Variants in NEFH observed in about 807,000 individuals in gnomAD.
NEFH encodes neurofilament heavy polypeptide.
Under a neutral mutation model 56.6 loss-of-function variants are expected in NEFH, and 58 were observed. The ratio of observed to expected loss-of-function variants is 1.03; its 90% CI spans 0.83 to 1.28. The LOEUF is 1.28. Ranked by LOEUF, NEFH falls within the 50% of genes most tolerant of loss-of-function variation. The pLI is 0.00. For missense variants in NEFH, 1,221 were observed against 1,307.6 expected (o/e 0.93, Z 1.02); for synonymous variants, 542 against 545.8 (o/e 0.99, Z 0.10).
At position 29,490,506 on chromosome 22, in the gene NEFH, G is replaced by T. The variant is rs536184533; in HGVS notation, c.2866G>T (p.Asp956Tyr). The T allele has an allele frequency of 6.3e-7, 1 of 1,589,126 alleles. No individual in the cohort carries two copies. Among genetic ancestry groups the T allele is most frequent in the South Asian group, 1.2e-5 (1 of 85,354 alleles). ...EKKEAAPEKKDTKEEKAKKPE... is the reference protein window; with the variant it reads ...EKKEAAPEKKYTKEEKAKKPE... ...GAAGGAGGCAGCACCGGAGAAAAAA[G>T]ACACCAAGGAGGAGAAGGCCAAGAA... The change falls in exon 4 of 4, where the codon GAC (aspartate) becomes TAC (tyrosine). Residue 956 changes from aspartate to tyrosine, a missense_variant. This residue lies in a region of NEFH where 301 missense variants were observed against 346.6 expected (regional missense o/e 0.87). Transcript: ENST00000310624.
rs2063000097 is a variant in NEFH, at chr22:29,480,724, C to CGGCGCGGTGCTGCGCCTG, written c.470_487dup (p.Val157_Ala162dup). 7 of 1,499,460 alleles carry CGGCGCGGTGCTGCGCCTG rather than the reference C, an allele frequency of 4.7e-6. No homozygotes were observed. Among genetic ancestry groups the CGGCGCGGTGCTGCGCCTG allele is most frequent in the East Asian group, 2.6e-5 (1 of 39,044 alleles). 92.9% of individuals were successfully genotyped at this position (1,499,460 alleles called of 1,614,324 possible). A position where few individuals can be genotyped will look rare whatever the true frequency, so the allele number is the denominator to read the frequency against. On this transcript the variant is annotated inframe_insertion, in exon 1 of 4. Transcript: ENST00000310624. The stretch of plus-strand genomic sequence containing the variant: ...ACGAGCGCGAGGTCCGCGAGATGCG[C>CGGCGCGGTGCTGCGCCTG]GGCGCGGTGCTGCGCCTGGGCGCGG...
At chr22:29,481,630 C>T (rs1329795649) in intron 1 of NEFH, among the ~76,000 whole-genome samples, 1 of 152,212 alleles carries the variant, frequency 6.6e-6, no homozygotes, top group Non-Finnish European at 1.5e-5. Context: ...TTCCCACTAC[C>T]TGCTCAGTGC....
chr22:29,485,089 G>C (rs2063036434), intron 2 of NEFH, among the ~76,000 whole-genome samples: 1 of 152,110 alleles, frequency 6.6e-6, no homozygotes. Context: ...TCCTTCCTCA[G>C]CCTTCCAAAA....
intron 1 of NEFH, among the ~76,000 whole-genome samples, chr22:29,482,378 C>G (rs980795548): frequency 6.6e-6 from 1 of 152,196 alleles, no homozygotes. Flanking sequence ...AGGATGTTCA[C>G]TTTTACGAGC....
chr22:29,487,796 G>A (rs1233830124), intron 3 of NEFH, among the ~76,000 whole-genome samples: 9 of 152,222 alleles, frequency 5.9e-5, no homozygotes, highest in Non-Finnish European at 1.3e-4. Context: ...TCTGAGACAA[G>A]CATTCTGCCA....
chr22:29,485,549 C>G (rs2063039249), intron 2 of NEFH, among the ~76,000 whole-genome samples, 174 bp from the exon 3 acceptor site: 1 of 152,248 alleles, frequency 6.6e-6, no homozygotes. Flanking sequence ...ATTTTTGCTC[C>G]AGATTGTTCC....
At chr22:29,484,498 T>G (rs1288207085) in intron 2 of NEFH, among the ~76,000 whole-genome samples, 1 of 151,950 alleles carries the variant, frequency 6.6e-6, no homozygotes, top group East Asian at 1.9e-4. Flanking sequence ...AAAAATTAAC[T>G]GGGCATGGTG....
rs143316545 is a variant in NEFH, at chr22:29,486,258, C to G, written c.1208+411C>G. Among the ~76,000 whole-genome samples, 96 of 151,936 alleles carry G rather than the reference C, an allele frequency of 6.3e-4. 2 individuals are homozygous for G. In the East Asian group the frequency reaches 0.013, roughly 21 times the overall value. ...CAGGCTGGTCTCAAACTCCTGAACTCAAGCCCTCTGCCCACCTCAGCCTCC... is the reference window on the plus strand; with the variant it reads ...CAGGCTGGTCTCAAACTCCTGAACTGAAGCCCTCTGCCCACCTCAGCCTCC... On this transcript the variant is annotated intron_variant, in intron 3 of 3. Coordinates refer to ENST00000310624, the MANE Select transcript of NEFH (RefSeq NM_021076.4).
chr22:29,484,315 A>C (rs1275360727), intron 2 of NEFH, among the ~76,000 whole-genome samples: 1 of 152,170 alleles, frequency 6.6e-6, no homozygotes, highest in African/African-American at 2.4e-5. Context: ...TTGGGTGGCC[A>C]GGGGAAGACC....
Position 29,481,128 on chromosome 22 carries a change from C to G in NEFH, c.866C>G (p.Ser289Cys). Residue 289 changes from serine (S) to cysteine (C), a missense_variant, in exon 1 of 4, where the codon TCC (serine) becomes TGC (cysteine). Around this residue, in one of 4 missense-constraint regions of NEFH, gnomAD observed 640 missense variants for 555.5 expected, o/e 1.15. Coordinates refer to ENST00000310624, the MANE Select transcript of NEFH (RefSeq NM_021076.4). ...CACGCGGTGCAGAGCACGCTGCAGT[C>G]CGAGGAGTGGTTCCGAGGTACGCAG... The part of the protein sequence containing the change: ...EGHAVQSTLQ[S>C]EEWFRVRLDR... 1 of 1,530,986 alleles carries G rather than the reference C, an allele frequency of 6.5e-7. No individual in the cohort carries two copies. Among genetic ancestry groups the G allele is most frequent in the Non-Finnish European group, 8.7e-7 (1 of 1,145,430 alleles). 94.8% of individuals were successfully genotyped at this position (1,530,986 alleles called of 1,614,324 possible).
At position 29,490,769 on chromosome 22, in the gene NEFH, A is replaced by G. The variant is rs753770865; in HGVS notation, c.*66A>G. On this transcript the variant is annotated 3_prime_UTR_variant, in exon 4 of 4. Transcript: ENST00000310624. Reference sequence around the variant, plus strand: ...AGAAGAGTCCCGGAGCTCAAGGATCAGAGTAACACAATTTTCACTTTTTCT... The same window carrying G: ...AGAAGAGTCCCGGAGCTCAAGGATCGGAGTAACACAATTTTCACTTTTTCT... 5.6e-6 allele frequency: 9 copies of G among 1,602,418 alleles called. No individual in the cohort carries two copies. The highest frequency in any genetic ancestry group is 3.4e-5 in the Admixed American group (2 of 58,006).
chr22:29,485,664 T>C (rs895840727), intron 2 of NEFH, 59 bp from the exon 3 acceptor site: 1 of 1,590,542 alleles, frequency 6.3e-7, no homozygotes. Flanking sequence ...CCGCAGCTTC[T>C]CTGGTACTGA....
chr22:29,484,696 G>T (rs2063033814), intron 2 of NEFH, among the ~76,000 whole-genome samples: 1 of 152,130 alleles, frequency 6.6e-6, no homozygotes, highest in South Asian at 2.1e-4. Flanking sequence ...GGGTATGGTT[G>T]TGTGTGCCTA....
Position 29,480,940 on chromosome 22 carries a change from G to T in NEFH, c.678G>T (p.Glu226Asp), listed in dbSNP as rs533262714. 1 of 1,529,948 alleles carries T rather than the reference G, an allele frequency of 6.5e-7. No individual in the cohort carries two copies. The highest frequency in any genetic ancestry group is 8.7e-7 in the Non-Finnish European group (1 of 1,144,992). 94.8% of individuals were successfully genotyped at this position (1,529,948 alleles called of 1,614,324 possible). A position where few individuals can be genotyped will look rare whatever the true frequency, so the allele number is the denominator to read the frequency against. The change falls in exon 1 of 4, where the codon GAG becomes GAT. Residue 226 changes from glutamate (E) to aspartate (D), a missense_variant. Transcript: ENST00000310624. ...AGAAGGCGCAGGCGCTGCAGGAGGA[G>T]TGCGGCTACCTGCGGCGCCACCACC... ...LQKKAQALQE[E>D]CGYLRRHHQE...
chr22:29,483,827 T>TTTA (rs371284369), intron 2 of NEFH, among the ~76,000 whole-genome samples: 9 of 136,466 alleles, frequency 6.6e-5, no homozygotes, highest in Non-Finnish European at 1.2e-4. Context: ...AGAGATAGAC[T>TTTA]TTTATTTATT....
At chr22:29,487,903 G>T (rs174650) in intron 3 of NEFH, among the ~76,000 whole-genome samples, 122,673 of 152,114 alleles carry the variant, frequency 0.81, 49,615 homozygotes, top group East Asian at 0.92. Flanking sequence ...TCAAAGAGTT[G>T]GTGTGTCTTG....
intron 3 of NEFH, 129 bp downstream of exon 3, chr22:29,485,976 C>CA (rs2063042290): frequency 3.4e-6 from 3 of 877,624 alleles, no homozygotes; most frequent in Non-Finnish European, 5.6e-6. Context: ...TAAATTGCGG[C>CA]AAAATAGACA....
chr22:29,486,635 G>C (rs578009495), intron 3 of NEFH, among the ~76,000 whole-genome samples: 1 of 147,736 alleles, frequency 6.8e-6, no homozygotes, highest in African/African-American at 2.5e-5. Flanking sequence ...TGATTCTCCT[G>C]CCTCAGCCTC....
At position 29,483,507 on chromosome 22, in the gene NEFH, A is replaced by G; in HGVS notation, c.1016A>G (p.Lys339Arg). The G allele has an allele frequency of 6.2e-7, 1 of 1,614,092 alleles. No individual in the cohort carries two copies. The change falls in exon 2 of 4, where the codon AAG becomes AGG. Residue 339 changes from lysine (K) to arginine (R), a missense_variant. Physicochemically the swap from Lys to Arg is conservative, Grantham distance 26 (BLOSUM62 2). This residue lies in a region of NEFH where 640 missense variants were observed against 555.5 expected (regional missense o/e 1.15). Coordinates refer to ENST00000310624, the MANE Select transcript of NEFH (RefSeq NM_021076.4). ...TTELEALKST[K>R]DSLERQRSEL... is the part of the protein sequence containing the mutation. ...GAGCTGGAGGCACTGAAAAGCACCA[A>G]GGACTCACTGGAGAGGCAGCGCTCT...
Sources: gnomAD v4.1 joint callset for allele counts (sites outside exome capture counted in the v4.1 genomes callset) on GRCh38, gnomAD v4.1.1 for gene constraint, gnomAD v4.1.1 regional missense constraint, MANE v1.5 for transcripts, NCBI Gene and HGNC (gene_info 2026-07-23, HGNC 2026-07-21) for gene names.